The following GSE1 variants were observed in gnomAD, a reference collection of about 807,000 sequenced individuals.
GSE1 encodes Gse1 coiled-coil protein.
GSE1 carries 32 observed loss-of-function variants against 112.6 expected under a neutral mutation model. That is an observed-to-expected ratio of 0.28 (90% confidence interval 0.21 to 0.38). The LOEUF (loss-of-function observed/expected upper bound fraction) is 0.38, where lower values mean the gene tolerates loss of function less well. Among genes scored for constraint, GSE1 ranks in the 10% least tolerant of loss-of-function variants. GSE1 has a pLI of 1.00. For missense variants in GSE1, 2,348 were observed against 1,699.2 expected (o/e 1.38, Z -6.71); for synonymous variants, 1,115 against 735.6 (o/e 1.52, Z -8.35).
Position 85,675,778 on chromosome 16 carries a change from T to C in GSE1, c.*3239T>C, listed in dbSNP as rs1210800254. ...ATGGAGATGGTCAGCACAAACCGATTCTGTTCCTCTTTAAAGTGTATATTA... is the reference window on the plus strand; with the variant it reads ...ATGGAGATGGTCAGCACAAACCGATCCTGTTCCTCTTTAAAGTGTATATTA... On this transcript the variant is annotated 3_prime_UTR_variant, in exon 16 of 16. Coordinates refer to ENST00000253458, the MANE Select transcript of GSE1 (RefSeq NM_014615.5). 1 of 152,236 alleles carries C rather than the reference T, an allele frequency of 6.6e-6. No individual in the cohort carries two copies. The highest frequency in any genetic ancestry group is 1.5e-5 in the Non-Finnish European group (1 of 68,048). The allele number at this position is 152,236 out of a possible 1,614,324, so 9.4% of individuals were successfully genotyped here.
rs138925844 is a variant in GSE1, at chr16:85,369,086, C to G, written c.2464+11443C>G. ...AGTTCTGGAGGTCAGAGCCCTGACT[C>G]GGATCTCACGAGGCTAAATTCGAGG... On this transcript the variant is annotated intron_variant, in intron 2 of 2. Transcript: ENST00000637419. 2.4e-3 allele frequency among the ~76,000 whole-genome samples: 368 copies of G among 152,270 alleles called. 2 individuals are homozygous for G. Among genetic ancestry groups the G allele is most frequent in the African/African-American group, 8.8e-3 (365 of 41,564 alleles).
chr16:85,458,339 T>G (rs2049887779), intron 2 of GSE1, among the ~76,000 whole-genome samples: 1 of 152,244 alleles, frequency 6.6e-6, no homozygotes, highest in African/African-American at 2.4e-5. Context: ...CACAGGTAAA[T>G]GAGGCCCTGC....
At chr16:85,289,027 G>A (rs1346116031) in intron 1 of GSE1, among the ~76,000 whole-genome samples, 1 of 152,204 alleles carries the variant, frequency 6.6e-6, no homozygotes, top group Admixed American at 6.5e-5. Flanking sequence ...ACCTCCACCT[G>A]CCAGGTCTGT....
At position 85,395,076 on chromosome 16, in the gene GSE1, G is replaced by A. The variant is rs144336356; in HGVS notation, c.2464+37433G>A. Among the ~76,000 whole-genome samples the A allele has an allele frequency of 7.1e-3, 1,086 of 152,282 alleles. 8 individuals carry two copies. Among genetic ancestry groups the A allele is most frequent in the Non-Finnish European group, 8.3e-3 (563 of 68,016 alleles). On this transcript the variant is annotated intron_variant, in intron 2 of 2. Coordinates refer to the GSE1 transcript ENST00000637419. ...GGGGAATGGGGCGGGCAGAGACTGG[G>A]GCACCTAAGCATAGGGAGGTTGTAG...
At chr16:85,212,989 T>C (rs1035658846) in intron 1 of GSE1, among the ~76,000 whole-genome samples, 31 of 152,072 alleles carry the variant, frequency 2.0e-4, no homozygotes, top group East Asian at 9.7e-4. Flanking sequence ...TTAGCCAGGC[T>C]GCCGGATGTG....
intron 5 of GSE1, among the ~76,000 whole-genome samples, chr16:85,655,237 CG>C (rs1179283092): frequency 2.0e-5 from 3 of 152,176 alleles, no homozygotes; most frequent in Non-Finnish European, 2.9e-5. Flanking sequence ...CCCTTCTCAC[CG>C]GGGGGTCCAT....
intron 1 of GSE1, among the ~76,000 whole-genome samples, chr16:85,575,655 A>G (rs1293250074): frequency 6.6e-6 from 1 of 152,080 alleles, no homozygotes; most frequent in Non-Finnish European, 1.5e-5. Flanking sequence ...CCCCCTTAAT[A>G]ATAATGCTTT....
At chr16:85,267,520 G>T (rs1201925197) in intron 1 of GSE1, among the ~76,000 whole-genome samples, 1 of 152,116 alleles carries the variant, frequency 6.6e-6, no homozygotes, top group African/African-American at 2.4e-5. Flanking sequence ...TGGGTTAAAG[G>T]ACAGTCACGT....
chr16:85,620,599 G>A (rs923395141), intron 1 of GSE1, among the ~76,000 whole-genome samples: 91 of 152,372 alleles, frequency 6.0e-4, no homozygotes, highest in Non-Finnish European at 6.5e-4. Context: ...CCGCCCGTCG[G>A]GAGGGTGCGG....
At chr16:85,384,986 G>A (rs1370449398) in intron 2 of GSE1, among the ~76,000 whole-genome samples, 5 of 152,204 alleles carry the variant, frequency 3.3e-5, no homozygotes, top group South Asian at 4.1e-4. Context: ...TGCCCCGCCC[G>A]CCCTGGCCTC....
At chr16:85,226,945 C>T (rs1330245810) in intron 1 of GSE1, among the ~76,000 whole-genome samples, 1 of 152,046 alleles carries the variant, frequency 6.6e-6, no homozygotes, top group Non-Finnish European at 1.5e-5. Context: ...AGGAATAAGT[C>T]AGTCAGGTAG....
chr16:85,644,593 G>A (rs1332384428), intron 2 of GSE1, among the ~76,000 whole-genome samples: 4 of 152,178 alleles, frequency 2.6e-5, no homozygotes, highest in African/African-American at 9.6e-5. Flanking sequence ...TTCCCTTGAT[G>A]TGAAGTCTCC....
chr16:85,437,166 C>A (rs894982311), intron 2 of GSE1, among the ~76,000 whole-genome samples: 1 of 152,126 alleles, frequency 6.6e-6, no homozygotes, highest in Non-Finnish European at 1.5e-5. Flanking sequence ...GTCCCCCAAC[C>A]CTCTGAGGCC....
chr16:85,284,207 G>A (rs374326866), intron 1 of GSE1, among the ~76,000 whole-genome samples: 13 of 152,246 alleles, frequency 8.5e-5, no homozygotes, highest in African/African-American at 2.7e-4. Flanking sequence ...CCGGCGGGTC[G>A]TGCTTTAGCT....
At chr16:85,663,134 C>A (rs748412575) in intron 10 of GSE1, 41 bp downstream of exon 10, 1 of 1,413,972 alleles carries the variant, frequency 7.1e-7, no homozygotes. Flanking sequence ...CTGGGCTGGG[C>A]TCTCGTTCCT....
rs768228816 is a variant in GSE1 at position 85,613,436 on chromosome 16, C to T, written c.7+38C>T. Reference sequence around the variant, plus strand: ...CACCCGGCCGGGGACGGGGTCCTCCCCCCTCCCCCCACCGCACTGTCCTCC... The same window carrying T: ...CACCCGGCCGGGGACGGGGTCCTCCTCCCTCCCCCCACCGCACTGTCCTCC... On this transcript the variant is annotated intron_variant, in intron 1 of 15. Transcript: ENST00000253458. The T allele has an allele frequency of 7.9e-6, 12 of 1,528,046 alleles. No homozygotes were observed. In the Admixed American group the frequency reaches 2.2e-4, roughly 28 times the overall value. The allele number at this position is 1,528,046 out of a possible 1,614,324, so 94.7% of individuals were successfully genotyped here. A position where few individuals can be genotyped will look rare whatever the true frequency, so the allele number is the denominator to read the frequency against.
intron 2 of GSE1, among the ~76,000 whole-genome samples, chr16:85,390,582 C>A (rs1324175077): frequency 6.6e-6 from 1 of 152,122 alleles, no homozygotes; most frequent in Non-Finnish European, 1.5e-5. Flanking sequence ...CATATTTCAT[C>A]CTGGCTCTGG....
At chr16:85,366,365 C>T (rs997315715) in intron 2 of GSE1, among the ~76,000 whole-genome samples, 1 of 152,264 alleles carries the variant, frequency 6.6e-6, no homozygotes, top group Non-Finnish European at 1.5e-5. Flanking sequence ...TCGTGTCACC[C>T]ACTCTGTCTC....
At chr16:85,458,729 G>A (rs1022454697) in intron 2 of GSE1, among the ~76,000 whole-genome samples, 1 of 152,186 alleles carries the variant, frequency 6.6e-6, no homozygotes, top group African/African-American at 2.4e-5. Flanking sequence ...ACGCTGGGTG[G>A]CAGAGCAAGG....
Sources: allele counts gnomAD v4.1 joint callset (sites outside exome capture counted in the v4.1 genomes callset), GRCh38; gene constraint gnomAD v4.1.1; transcripts MANE v1.5; gene names NCBI Gene and HGNC (gene_info 2026-07-23, HGNC 2026-07-21).